The following UGT2A2 variants were observed in gnomAD, a reference collection of about 807,000 sequenced individuals.
UGT2A2 encodes UDP-glucuronosyltransferase 2A2.
UGT2A2 carries 60 observed loss-of-function variants against 50.7 expected under a neutral mutation model. That is an observed-to-expected ratio of 1.18 (90% confidence interval 0.96 to 1.47). The LOEUF (loss-of-function observed/expected upper bound fraction) is 1.47, where lower values mean the gene tolerates loss of function less well. Among genes scored for constraint, UGT2A2 ranks in the 40% most tolerant of loss-of-function variants. The pLI is 0.00. For synonymous variants in UGT2A2, 242 were observed against 214.6 expected (o/e 1.13, Z -1.11); for missense variants, 762 against 634.0 (o/e 1.20, Z -2.17).
chr4:69,599,263 C>T lies in UGT2A2; in HGVS notation c.874G>A (p.Ala292Thr). Reference sequence around the variant, plus strand: ...AGACCTACCTTAGGTAAAGGTTTGGCAGGTTTGCAGTGCAATCCTCCAACA... The same window carrying T: ...AGACCTACCTTAGGTAAAGGTTTGGTAGGTTTGCAGTGCAATCCTCCAACA... ...EFVGGLHCKP[A>T]KPLPKEMEEF... The change falls in exon 2 of 6, where the codon GCC (alanine) becomes ACC (threonine). Residue 292 changes from alanine to threonine, a missense_variant. Transcript: ENST00000604629. The T allele has an allele frequency of 6.2e-7, 1 of 1,613,394 alleles. No individual in the cohort carries two copies. The highest frequency in any genetic ancestry group is 8.5e-7 in the Non-Finnish European group (1 of 1,179,758).
chr4:69,632,321 T>A (rs1008525384), intron 1 of UGT2A2, among the ~76,000 whole-genome samples: 5 of 152,130 alleles, frequency 3.3e-5, no homozygotes, highest in African/African-American at 1.2e-4. Context: ...GGGTCTGCAT[T>A]AAAGATAAGG....
At chr4:69,595,964 A>C (rs1427979082) in intron 3 of UGT2A2, among the ~76,000 whole-genome samples, 2 of 152,218 alleles carry the variant, frequency 1.3e-5, no homozygotes, top group Non-Finnish European at 1.5e-5. Context: ...AAAAATTTCA[A>C]ATAGTAAAAG....
intron 1 of UGT2A2, among the ~76,000 whole-genome samples, chr4:69,630,697 A>G (rs1438476388): frequency 6.6e-6 from 1 of 152,164 alleles, no homozygotes; most frequent in Non-Finnish European, 1.5e-5. Context: ...TATTATAGCC[A>G]AGATGCCAAG....
At chr4:69,601,673 G>A (rs1719303103) in intron 1 of UGT2A2, among the ~76,000 whole-genome samples, 1 of 152,000 alleles carries the variant, frequency 6.6e-6, no homozygotes, top group Non-Finnish European at 1.5e-5. Context: ...CATTGCTAAG[G>A]CCAATAACCA....
At chr4:69,620,666 A>G (rs893269568) in intron 1 of UGT2A2, among the ~76,000 whole-genome samples, 3 of 151,002 alleles carry the variant, frequency 2.0e-5, no homozygotes, top group African/African-American at 7.3e-5. Flanking sequence ...AAAAAAAAAA[A>G]AGAGCCACAA....
intron 4 of UGT2A2, 148 bp from the exon 5 acceptor site, chr4:69,594,844 T>G: frequency 9.3e-7 from 1 of 1,071,350 alleles, no homozygotes; most frequent in Non-Finnish European, 1.3e-6. Context: ...CATTGGAATG[T>G]CAGAAAACTG....
chr4:69,617,413 A>AAT (rs1720465593), intron 1 of UGT2A2, among the ~76,000 whole-genome samples: 1 of 151,936 alleles, frequency 6.6e-6, no homozygotes, highest in Non-Finnish European at 1.5e-5. Flanking sequence ...ACAAAGATAT[A>AAT]ATATATATGT....
rs369471974 is a variant in UGT2A2, at chr4:69,603,563, C to G, written c.743-4169G>C. ...TCACACGCAACAGAACAAAACTGGACGGAGAATGACTTTGACGAGCTGAGA... is the reference window on the plus strand; with the variant it reads ...TCACACGCAACAGAACAAAACTGGAGGGAGAATGACTTTGACGAGCTGAGA... On this transcript the variant is annotated intron_variant, in intron 1 of 5. Transcript: ENST00000604629. The G allele has an allele frequency of 1.5e-5, 2 of 136,826 alleles. 1 individual carries two copies. The highest frequency in any genetic ancestry group is 3.1e-5 in the Non-Finnish European group (2 of 64,368). The allele number at this position is 136,826 out of a possible 1,614,324, so 8.5% of individuals were successfully genotyped here.
chr4:69,599,435 A>T (rs3775782), intron 1 of UGT2A2, 41 bp from the exon 2 acceptor site: 638,821 of 1,598,808 alleles, frequency 0.4, 129,619 homozygotes, highest in East Asian at 0.54. Context: ...AAATTAGCTT[A>T]TATGTTTGCT....
At chr4:69,610,469 T>A (rs1299334263) in intron 1 of UGT2A2, among the ~76,000 whole-genome samples, 1 of 152,176 alleles carries the variant, frequency 6.6e-6, no homozygotes, top group African/African-American at 2.4e-5. Context: ...TTTTTTCAGT[T>A]GACTTATGAA....
chr4:69,621,894 A>G lies in UGT2A2; in HGVS notation c.742+17005T>C, dbSNP rs139050514. Among the ~76,000 whole-genome samples, 952 of 151,952 alleles carry G rather than the reference A, an allele frequency of 6.3e-3. 2 individuals carry two copies. The highest frequency in any genetic ancestry group is 0.01 in the Middle Eastern group (3 of 292). On this transcript the variant is annotated intron_variant, in intron 1 of 5. Transcript: ENST00000604629. The stretch of plus-strand genomic sequence containing the variant: ...GGGGGAGGGTCATTATTCTTAGCAA[A>G]CTAATGCAGACACAGAACACCAAAT...
intron 1 of UGT2A2, among the ~76,000 whole-genome samples, chr4:69,601,207 C>T (rs1411078957): frequency 6.6e-6 from 1 of 152,152 alleles, no homozygotes; most frequent in Non-Finnish European, 1.5e-5. Flanking sequence ...CTCCCTGGAA[C>T]ATTACCCCAA....
intron 1 of UGT2A2, among the ~76,000 whole-genome samples, chr4:69,631,709 G>A (rs867235508): frequency 2.6e-5 from 4 of 152,100 alleles, no homozygotes; most frequent in African/African-American, 9.7e-5. Context: ...CTGACAACCT[G>A]AAAAAGAGAA....
intron 5 of UGT2A2, among the ~76,000 whole-genome samples, chr4:69,592,168 A>C (rs1204318726): frequency 1.3e-5 from 2 of 152,138 alleles, no homozygotes; most frequent in Non-Finnish European, 2.9e-5. Context: ...CGTTAAGAAA[A>C]AGCACTAAAT....
intron 1 of UGT2A2, among the ~76,000 whole-genome samples, chr4:69,624,569 T>G (rs1720928729): frequency 6.6e-6 from 1 of 151,416 alleles, no homozygotes; most frequent in Non-Finnish European, 1.5e-5. Context: ...GTTTATTAGT[T>G]GAACACATTT....
intron 1 of UGT2A2, among the ~76,000 whole-genome samples, chr4:69,607,468 A>T (rs1181299234): frequency 6.6e-6 from 1 of 152,016 alleles, no homozygotes; most frequent in Non-Finnish European, 1.5e-5. Context: ...TAAAAACCCT[A>T]GAAGAAAACC....
intron 1 of UGT2A2, among the ~76,000 whole-genome samples, chr4:69,604,278 A>G (rs1188692170): frequency 7.3e-6 from 1 of 137,080 alleles, no homozygotes; most frequent in Non-Finnish European, 1.6e-5. Context: ...TTCTTAAAGA[A>G]AAGAATTTTC....
At chr4:69,615,334 AAGCACAGCCATCC>A (rs564793111) in intron 1 of UGT2A2, among the ~76,000 whole-genome samples, 169 of 152,182 alleles carry the variant, frequency 1.1e-3, no homozygotes, top group African/African-American at 4.0e-3. Context: ...AAGACCTCAG[AAGCACAGCCATCC>A]AAAGCAAAAA....
chr4:69,638,597 T>C (rs189836353), intron 1 of UGT2A2, among the ~76,000 whole-genome samples: 84 of 152,296 alleles, frequency 5.5e-4, no homozygotes, highest in African/African-American at 2.0e-3. Flanking sequence ...AGTAGTGTTA[T>C]AATGTATCCT....
Sources: allele counts gnomAD v4.1 joint callset (sites outside exome capture counted in the v4.1 genomes callset), GRCh38; gene constraint gnomAD v4.1.1; transcripts MANE v1.5; gene names NCBI Gene and HGNC (gene_info 2026-07-23, HGNC 2026-07-21).